Variants in AGO1 observed in about 807,000 individuals in gnomAD.
The protein encoded by AGO1 is protein argonaute-1.
AGO1 carries 11 observed loss-of-function variants against 109.2 expected under a neutral mutation model. The ratio of observed to expected loss-of-function variants is 0.10; its 90% CI spans 0.06 to 0.17. The LOEUF (loss-of-function observed/expected upper bound fraction) is 0.17. Among genes scored for constraint, AGO1 ranks in the 10% least tolerant of loss-of-function variants. The pLI is 1.00. For synonymous variants in AGO1, 422 were observed against 418.6 expected (o/e 1.01, Z -0.10); for missense variants, 574 against 1,140.3 (o/e 0.50, Z 7.15).
intron 12 of AGO1, among the ~76,000 whole-genome samples, chr1:35,907,537 C>T (rs1441257564): frequency 6.6e-6 from 1 of 152,094 alleles, no homozygotes; most frequent in East Asian, 1.9e-4. Context: ...TTTTGAGAGG[C>T]TTGCTATCTC....
chr1:35,917,454 A>T, intron 15 of AGO1, 139 bp from the exon 16 acceptor site: 1 of 963,704 alleles, frequency 1.0e-6, no homozygotes, highest in Non-Finnish European at 1.5e-6. Context: ...TGTCATCTCT[A>T]ATTGTTGAGC....
At chr1:35,885,708 G>T (rs1645109929) in intron 1 of AGO1, among the ~76,000 whole-genome samples, 1 of 152,236 alleles carries the variant, frequency 6.6e-6, no homozygotes, top group Admixed American at 6.5e-5. Context: ...GCTCAGGTGT[G>T]TTCCAAGCAC....
In AGO1 at chr1:35,892,708, CA is replaced by C. The variant is rs143408977; in HGVS notation, c.330+32del. 7.6e-4 allele frequency: 1,221 copies of C among 1,614,032 alleles called. 13 individuals are homozygous for C. The African/African-American group carries it at 0.014, about 19-fold the overall frequency. ...GTTGGGAGTCAGGCTAGGCCTGTGTCAGGGGTCTGGGGTAGAACCAAGCTCA... is the reference window on the plus strand; with the variant it reads ...GTTGGGAGTCAGGCTAGGCCTGTGTCGGGGTCTGGGGTAGAACCAAGCTCA... On this transcript the variant is annotated intron_variant, in intron 3 of 18. Coordinates refer to ENST00000373204, the MANE Select transcript of AGO1 (RefSeq NM_012199.5).
rs1490411888 is a variant in AGO1 at position 35,897,977 on chromosome 1, G to GA, written c.1020+2708_1020+2709insA. On this transcript the variant is annotated intron_variant, in intron 8 of 18. Coordinates refer to ENST00000373204, the MANE Select transcript of AGO1 (RefSeq NM_012199.5). ...TTCAGTCTCTGGGTATACCTATTTTGGACATATCATATATGTGAAATAATA... is the reference window on the plus strand; with the variant it reads ...TTCAGTCTCTGGGTATACCTATTTTGAGACATATCATATATGTGAAATAATA... Among the ~76,000 whole-genome samples, 17 of 152,136 alleles carry GA rather than the reference G, an allele frequency of 1.1e-4. No homozygotes were observed. In the East Asian group the frequency reaches 1.5e-3, roughly 14 times the overall value.
chr1:35,909,660 C>G (rs1645597415), intron 12 of AGO1, among the ~76,000 whole-genome samples: 1 of 152,174 alleles, frequency 6.6e-6, no homozygotes, highest in Admixed American at 6.5e-5. Flanking sequence ...TCTAGTTTAT[C>G]AGGCCACTGA....
At position 35,916,452 on chromosome 1, in the gene AGO1, C is replaced by T. The variant is rs979007305; in HGVS notation, c.2028+910C>T. Among the ~76,000 whole-genome samples, 9 of 152,302 alleles carry T rather than the reference C, an allele frequency of 5.9e-5. No homozygotes were observed. In the Middle Eastern group the frequency reaches 0.01, roughly 173 times the overall value. Reference sequence around the variant, plus strand: ...GTGTGATCTTAGCTCACTGCAGCTTCTGCCTCCCGGGCTCAAGCGATTCTC... The same window carrying T: ...GTGTGATCTTAGCTCACTGCAGCTTTTGCCTCCCGGGCTCAAGCGATTCTC... On this transcript the variant is annotated intron_variant, in intron 15 of 18. Transcript: ENST00000373204.
At chr1:35,872,995 C>T (rs1290085915) in intron 1 of AGO1, among the ~76,000 whole-genome samples, 1 of 151,228 alleles carries the variant, frequency 6.6e-6, no homozygotes, top group African/African-American at 2.4e-5. Context: ...TCTGGTGATC[C>T]TCCCACCTCA....
At chr1:35,892,938 A>G (rs1212103271) in intron 3 of AGO1, among the ~76,000 whole-genome samples, 159 bp from the exon 4 acceptor site, 1 of 152,210 alleles carries the variant, frequency 6.6e-6, no homozygotes, top group Non-Finnish European at 1.5e-5. Flanking sequence ...AGAAGCACTG[A>G]GCCAAGGTGG....
rs1228630393 is a variant in AGO1 at position 35,901,622 on chromosome 1, A to T, written c.1140+29A>T. On this transcript the variant is annotated intron_variant, in intron 9 of 18. Coordinates refer to ENST00000373204, the MANE Select transcript of AGO1 (RefSeq NM_012199.5). The surrounding 1 kb of genome is among the most constrained non-coding windows in gnomAD (Gnocchi z 4.8). ...AGTGGGCCTACTCATTTGCTCAGTC[A>T]TTGGGGCCATTGGTAGCATAAATGT... The T allele has an allele frequency of 6.2e-7, 1 of 1,613,634 alleles. No individual in the cohort carries two copies.
rs975345096 is a variant in AGO1, at chr1:35,901,214, G to T, written c.1021-260G>T. ...TTGAACTCCTGACCTCAAGTGATCTGGCCGCCTTGGCCTCCTAAGGTGCTG... is the reference window on the plus strand; with the variant it reads ...TTGAACTCCTGACCTCAAGTGATCTTGCCGCCTTGGCCTCCTAAGGTGCTG... On this transcript the variant is annotated intron_variant, in intron 8 of 18. Transcript: ENST00000373204. The surrounding 1 kb of genome is among the most constrained non-coding windows in gnomAD (Gnocchi z 4.8). 3.9e-5 allele frequency among the ~76,000 whole-genome samples: 6 copies of T among 152,016 alleles called. No individual in the cohort carries two copies. The highest frequency in any genetic ancestry group is 1.2e-4 in the African/African-American group (5 of 41,416).
chr1:35,901,342 A>G lies in AGO1; in HGVS notation c.1021-132A>G. Reference sequence around the variant, plus strand: ...CAAATGATACTCAGGAGGAGAATACATGTATGCACAACGGATTTTGCAGTT... The same window carrying G: ...CAAATGATACTCAGGAGGAGAATACGTGTATGCACAACGGATTTTGCAGTT... On this transcript the variant is annotated intron_variant, in intron 8 of 18. Coordinates refer to ENST00000373204, the MANE Select transcript of AGO1 (RefSeq NM_012199.5). This position sits in a 1 kb window ranked among gnomAD's most constrained non-coding sequence, Gnocchi z 4.8. 2 of 1,076,872 alleles carry G rather than the reference A, an allele frequency of 1.9e-6. No homozygotes were observed. The highest frequency in any genetic ancestry group is 2.9e-5 in the South Asian group (2 of 68,088). 66.7% of individuals were successfully genotyped at this position (1,076,872 alleles called of 1,614,324 possible).
chr1:35,913,526 C>T (rs575324939), intron 12 of AGO1, among the ~76,000 whole-genome samples: 2 of 152,308 alleles, frequency 1.3e-5, no homozygotes, highest in East Asian at 3.9e-4. Flanking sequence ...CAAACTCCCC[C>T]TCTCCTCTAA....
intron 11 of AGO1, among the ~76,000 whole-genome samples, chr1:35,905,457 C>T (rs1173134482): frequency 6.6e-6 from 1 of 152,010 alleles, no homozygotes; most frequent in Non-Finnish European, 1.5e-5. Flanking sequence ...TCCTTCATGT[C>T]CTCCACCCTA....
At position 35,917,745 on chromosome 1, in the gene AGO1, G is replaced by T; in HGVS notation, c.2163+18G>T. On this transcript the variant is annotated intron_variant, in intron 16 of 18. Coordinates refer to ENST00000373204, the MANE Select transcript of AGO1 (RefSeq NM_012199.5). ...ATGAGCGAGTGAGTGAGGGACTGAGGCCTCCCATCCCCTCCTTCTGTCTCC... is the reference window on the plus strand; with the variant it reads ...ATGAGCGAGTGAGTGAGGGACTGAGTCCTCCCATCCCCTCCTTCTGTCTCC... The T allele has an allele frequency of 6.2e-7, 1 of 1,608,476 alleles. No homozygotes were observed. The highest frequency in any genetic ancestry group is 8.5e-7 in the Non-Finnish European group (1 of 1,175,826).
chr1:35,893,041 G>GCAAT lies in AGO1; in HGVS notation c.331-56_331-55insCAAT. On this transcript the variant is annotated intron_variant, in intron 3 of 18. Coordinates refer to ENST00000373204, the MANE Select transcript of AGO1 (RefSeq NM_012199.5). This position sits in a 1 kb window ranked among gnomAD's most constrained non-coding sequence, Gnocchi z 5.6. ...TTCTCAGCAAATCCATGGAGTTGGG[G>GCAAT]GTCATTCTCGCAGAGCAATGGCAAT... 6.6e-7 allele frequency: 1 copy of GCAAT among 1,508,204 alleles called. No individual in the cohort carries two copies. Among genetic ancestry groups the GCAAT allele is most frequent in the East Asian group, 2.3e-5 (1 of 43,488 alleles). 93.4% of individuals were successfully genotyped at this position (1,508,204 alleles called of 1,614,324 possible).
chr1:35,918,810 C>G (rs920980637), intron 17 of AGO1, among the ~76,000 whole-genome samples: 11 of 152,350 alleles, frequency 7.2e-5, no homozygotes, highest in African/African-American at 2.4e-4. Context: ...CCCACCTTGG[C>G]CTCCCAAAGT....
In AGO1 at chr1:35,930,122, A is replaced by G. The variant is rs890196881; in HGVS notation, c.*10515A>G. On this transcript the variant is annotated 3_prime_UTR_variant, in exon 19 of 19. Coordinates refer to ENST00000373204, the MANE Select transcript of AGO1 (RefSeq NM_012199.5). Reference sequence around the variant, plus strand: ...GCAACAAATATTTATTAAGGACCTAATATTTGCCTGACATTCAAGTGAGGT... The same window carrying G: ...GCAACAAATATTTATTAAGGACCTAGTATTTGCCTGACATTCAAGTGAGGT... 5.3e-5 allele frequency: 8 copies of G among 152,244 alleles called. No individual in the cohort carries two copies. Among genetic ancestry groups the G allele is most frequent in the African/African-American group, 1.4e-4 (6 of 41,468 alleles). 9.4% of individuals were successfully genotyped at this position (152,244 alleles called of 1,614,324 possible). A position where few individuals can be genotyped will look rare whatever the true frequency, so the allele number is the denominator to read the frequency against.
At chr1:35,912,989 G>C (rs1317240636) in intron 12 of AGO1, among the ~76,000 whole-genome samples, 2 of 151,002 alleles carry the variant, frequency 1.3e-5, no homozygotes, top group African/African-American at 2.4e-5. Flanking sequence ...GAATCCATTT[G>C]TTTTTCTCCG....
chr1:35,870,356 C>CCACT (rs1309578303), intron 1 of AGO1, among the ~76,000 whole-genome samples: 1 of 152,020 alleles, frequency 6.6e-6, no homozygotes, highest in African/African-American at 2.4e-5. Flanking sequence ...CCATCTCGAC[C>CCACT]CACTGCCAGC....
Sources: gnomAD v4.1 joint callset for allele counts (sites outside exome capture counted in the v4.1 genomes callset) on GRCh38, gnomAD v4.1.1 for gene constraint, Gnocchi (gnomAD v3.1) non-coding constraint, MANE v1.5 for transcripts, NCBI Gene and HGNC (gene_info 2026-07-23, HGNC 2026-07-21) for gene names.